Variants in SEMA3D observed in about 807,000 individuals in gnomAD.
SEMA3D encodes semaphorin-3D.
A neutral mutation model predicts 100.1 loss-of-function variants in SEMA3D; 84 were observed. The observed-to-expected ratio is 0.84, with a 90% CI of 0.70 to 1.01. SEMA3D has a LOEUF of 1.01. SEMA3D is among the 50% of genes least tolerant of loss of function. SEMA3D has a pLI of 0.00. For synonymous variants in SEMA3D, 312 were observed against 320.7 expected (o/e 0.97, Z 0.29); for missense variants, 875 against 934.1 (o/e 0.94, Z 0.82).
chr7:85,091,861 T>C (rs1354507830), intron 4 of SEMA3D, among the ~76,000 whole-genome samples: 2 of 152,060 alleles, frequency 1.3e-5, no homozygotes, highest in African/African-American at 4.8e-5. Context: ...GTTCTTCTTT[T>C]ATATACTTTC....
chr7:85,247,361 G>A, the SEMA3D span, among the ~76,000 whole-genome samples: 1 of 152,010 alleles, frequency 6.6e-6, no homozygotes, highest in African/African-American at 2.4e-5. Flanking sequence ...TACATGTGAA[G>A]AGCAAAACTT....
At chr7:85,118,596 A>C (rs1789314138) in intron 3 of SEMA3D, among the ~76,000 whole-genome samples, 1 of 152,152 alleles carries the variant, frequency 6.6e-6, no homozygotes, top group Non-Finnish European at 1.5e-5. Context: ...TTACAGTAGG[A>C]ATAGAACAGC....
intron 2 of SEMA3D, among the ~76,000 whole-genome samples, chr7:85,147,104 T>TTTTTTC (rs1562834898): frequency 7.9e-6 from 1 of 126,614 alleles, no homozygotes. Flanking sequence ...TTTTTTTTTT[T>TTTTTTC]TTTTTTTTTT....
chr7:85,037,333 G>C (rs1333163331), intron 11 of SEMA3D, among the ~76,000 whole-genome samples: 2 of 152,132 alleles, frequency 1.3e-5, no homozygotes, highest in Non-Finnish European at 1.5e-5. Flanking sequence ...ATTGGCACCT[G>C]ATAGATAAAC....
chr7:85,071,392 A>G (rs1020566942), intron 6 of SEMA3D, among the ~76,000 whole-genome samples: 15 of 152,204 alleles, frequency 9.9e-5, no homozygotes, highest in African/African-American at 3.4e-4. Flanking sequence ...ATCCATCCAT[A>G]GTTGTGGGTT....
intron 2 of SEMA3D, among the ~76,000 whole-genome samples, chr7:85,123,620 C>T (rs1053184184): frequency 6.6e-6 from 1 of 151,960 alleles, no homozygotes; most frequent in Non-Finnish European, 1.5e-5. Context: ...ACATGATAAA[C>T]ATTTAAGGAT....
At chr7:85,140,780 G>A (rs957842515) in intron 2 of SEMA3D, 2 of 966,510 alleles carry the variant, frequency 2.1e-6, no homozygotes, top group African/African-American at 3.5e-5. Flanking sequence ...TGTATATTTT[G>A]CTGCTGCTTA....
intron 3 of SEMA3D, among the ~76,000 whole-genome samples, chr7:85,118,734 C>T (rs1200476301): frequency 6.6e-6 from 1 of 152,094 alleles, no homozygotes; most frequent in African/African-American, 2.4e-5. Context: ...TTGACTCAAG[C>T]CTGCTAACTC....
chr7:85,029,696 G>A (rs530513462), intron 12 of SEMA3D: 5 of 344,796 alleles, frequency 1.5e-5, no homozygotes, highest in Admixed American at 1.2e-4. Context: ...GGTTGATTAA[G>A]ACAACCCAAC....
chr7:85,060,593 A>T (rs1175172194), intron 8 of SEMA3D, among the ~76,000 whole-genome samples: 1 of 152,180 alleles, frequency 6.6e-6, no homozygotes, highest in Admixed American at 6.5e-5. Context: ...AACTTCTAGC[A>T]TGACACCAAG....
At chr7:85,191,654 C>T (rs1791696317), upstream of SEMA3D, among the ~76,000 whole-genome samples, 1 of 152,054 alleles carries the variant, frequency 6.6e-6, no homozygotes, top group South Asian at 2.1e-4. Flanking sequence ...TACCTGTATT[C>T]CAAGTGGAAT....
intron 3 of SEMA3D, among the ~76,000 whole-genome samples, chr7:85,105,485 A>G (rs374460493): frequency 6.6e-6 from 1 of 152,050 alleles, no homozygotes; most frequent in African/African-American, 2.4e-5. Context: ...ACACAAAAAT[A>G]CCTATGATTC....
chr7:85,246,262 T>C, the SEMA3D span, among the ~76,000 whole-genome samples: 1 of 152,200 alleles, frequency 6.6e-6, no homozygotes, highest in East Asian at 1.9e-4. Context: ...ATAAGATTAT[T>C]TAAGGCAGAC....
At chr7:85,207,356 T>C in the SEMA3D span, among the ~76,000 whole-genome samples, 2 of 152,224 alleles carry the variant, frequency 1.3e-5, no homozygotes, top group African/African-American at 4.8e-5. Context: ...CAAGGAGGTT[T>C]CAATAAATAT....
At chr7:85,013,150 G>A (rs1287396483) in intron 16 of SEMA3D, among the ~76,000 whole-genome samples, 2 of 151,354 alleles carry the variant, frequency 1.3e-5, no homozygotes, top group Non-Finnish European at 3.0e-5. Flanking sequence ...ATACAACCTA[G>A]GTTTTATATA....
At chr7:85,187,142 C>G (rs1273044865), upstream of SEMA3D, among the ~76,000 whole-genome samples, 1 of 152,136 alleles carries the variant, frequency 6.6e-6, no homozygotes, top group Non-Finnish European at 1.5e-5. Flanking sequence ...CCACTGCGCA[C>G]GCCAGAACTC....
chr7:85,143,154 A>C, intron 2 of SEMA3D: 1 of 982,696 alleles, frequency 1.0e-6, no homozygotes, highest in Non-Finnish European at 1.2e-6. Flanking sequence ...TATGAAACTG[A>C]TATGACATGG....
At chr7:85,008,130 G>A (rs138963673) in intron 17 of SEMA3D, among the ~76,000 whole-genome samples, 2 of 151,870 alleles carry the variant, frequency 1.3e-5, no homozygotes, top group Non-Finnish European at 2.9e-5. Context: ...ACTGGTGCCA[G>A]TCATGGAAAA....
At chr7:85,030,272 T>C (rs1790510760) in intron 12 of SEMA3D, among the ~76,000 whole-genome samples, 1 of 151,498 alleles carries the variant, frequency 6.6e-6, no homozygotes. Flanking sequence ...GAGCTATTAA[T>C]AAAAATTATC....
Sources: allele counts gnomAD v4.1 joint callset (sites outside exome capture counted in the v4.1 genomes callset), GRCh38; gene constraint gnomAD v4.1.1; transcripts MANE v1.5; gene names NCBI Gene and HGNC (gene_info 2026-07-23, HGNC 2026-07-21).